Variants in ITSN1 observed in about 807,000 individuals in gnomAD.
ITSN1 encodes the protein intersectin-1.
Under a neutral mutation model 239.8 loss-of-function variants are expected in ITSN1, and 58 were observed. That is an observed-to-expected ratio of 0.24 (90% CI 0.20 to 0.30). The LOEUF is 0.30. Ranked by LOEUF, ITSN1 falls within the 10% of genes least tolerant of loss-of-function variation. ITSN1 has a pLI of 1.00. For missense variants in ITSN1, 1,558 were observed against 2,103.3 expected, an observed-to-expected ratio of 0.74 and a Z score of 5.07; for synonymous variants, 780 against 770.8, an observed-to-expected ratio of 1.01 and a Z score of -0.20.
At chr21:33,833,346 CATT>C (rs2074404241) in intron 27 of ITSN1, among the ~76,000 whole-genome samples, 2 of 152,108 alleles carry the variant, frequency 1.3e-5, no homozygotes, top group African/African-American at 4.8e-5. Flanking sequence ...GTGAAAGTAA[CATT>C]GAGTCTCCTT....
chr21:33,668,407 C>A (rs181449797), intron 1 of ITSN1, among the ~76,000 whole-genome samples: 1 of 152,340 alleles, frequency 6.6e-6, no homozygotes, highest in Admixed American at 6.5e-5. Context: ...TAAGCCAGTG[C>A]CTCCAGCTAC....
At position 33,875,418 on chromosome 21, in the gene ITSN1, C is replaced by T. The variant is rs749530031; in HGVS notation, c.4238C>T (p.Ala1413Val). Reference sequence around the variant, plus strand: ...CACTTGAAGCACGCCCTGGAGAAGGCGGAAGAGCTCTGTTCCCAGGTGAAC... The same window carrying T: ...CACTTGAAGCACGCCCTGGAGAAGGTGGAAGAGCTCTGTTCCCAGGTGAAC... ...HSHLKHALEK[A>V]EELCSQVNEG... is the part of the protein sequence containing the mutation. Residue 1413 changes from alanine (A) to valine (V), a missense_variant, in exon 34 of 40, where the codon GCG (alanine) becomes GTG (valine). Physicochemically the swap from Ala to Val is moderately conservative, Grantham distance 64. Transcript: ENST00000381318. 4.3e-6 allele frequency: 7 copies of T among 1,613,962 alleles called. No individual in the cohort carries two copies. Among genetic ancestry groups the T allele is most frequent in the African/African-American group, 1.3e-5 (1 of 74,892 alleles).
At chr21:33,863,112 T>TGCG (rs1175818429) in intron 31 of ITSN1, among the ~76,000 whole-genome samples, 4 of 152,232 alleles carry the variant, frequency 2.6e-5, no homozygotes, top group African/African-American at 9.6e-5. Context: ...GGTAACACCT[T>TGCG]GCGGTCTTCA....
At chr21:33,762,617 T>C (rs1464161045) in intron 9 of ITSN1, among the ~76,000 whole-genome samples, 1 of 152,116 alleles carries the variant, frequency 6.6e-6, no homozygotes, top group Non-Finnish European at 1.5e-5. Flanking sequence ...CTACTGCAAA[T>C]ATTTTAGCTT....
intron 1 of ITSN1, among the ~76,000 whole-genome samples, chr21:33,653,688 A>G (rs950299819): frequency 6.6e-5 from 10 of 151,694 alleles, no homozygotes; most frequent in Non-Finnish European, 1.5e-4. Context: ...ACGCCCAGCT[A>G]ATTTTTTGTA....
At chr21:33,796,612 T>C (rs1227013834) in intron 17 of ITSN1, among the ~76,000 whole-genome samples, 2 of 152,224 alleles carry the variant, frequency 1.3e-5, no homozygotes, top group Non-Finnish European at 2.9e-5. Context: ...CATGCATGTA[T>C]GGCTGTGTGA....
rs1256969638 is a variant in ITSN1, at chr21:33,857,769, C to A, written c.3783+912C>A. Among the ~76,000 whole-genome samples, 4 of 152,170 alleles carry A rather than the reference C, an allele frequency of 2.6e-5. No individual in the cohort carries two copies. The East Asian group carries it at 7.7e-4, about 29-fold the overall frequency. On this transcript the variant is annotated intron_variant, in intron 30 of 39. Transcript: ENST00000381318. ...TTATTAAATATGCAGTTCAGGATGT[C>A]CAGGGTGCAAGTGTCACTCCTTAGA... is the stretch of plus-strand genomic sequence containing the variant.
chr21:33,836,238 G>T (rs1386018052), intron 28 of ITSN1, among the ~76,000 whole-genome samples: 1 of 152,176 alleles, frequency 6.6e-6, no homozygotes, highest in Non-Finnish European at 1.5e-5. Context: ...AAGACTTAGT[G>T]TGAAAATTTT....
intron 1 of ITSN1, among the ~76,000 whole-genome samples, chr21:33,654,200 G>A (rs181206776): frequency 2.0e-5 from 3 of 149,242 alleles, no homozygotes; most frequent in African/African-American, 4.9e-5. Flanking sequence ...CCACAGCCAC[G>A]CACCACCACA....
intron 5 of ITSN1, among the ~76,000 whole-genome samples, chr21:33,749,645 A>C (rs2067417305): frequency 6.6e-6 from 1 of 152,012 alleles, no homozygotes; most frequent in East Asian, 1.9e-4. Context: ...CCATCTCAAA[A>C]AAAAAAAGAA....
intron 34 of ITSN1, among the ~76,000 whole-genome samples, chr21:33,879,543 A>G (rs1234863630): frequency 1.3e-5 from 2 of 152,238 alleles, no homozygotes; most frequent in Non-Finnish European, 2.9e-5. Context: ...GGACTCAAGC[A>G]GCCCCTGCAC....
chr21:33,829,514 C>A, intron 26 of ITSN1, 110 bp from the exon 27 acceptor site: 4 of 1,136,812 alleles, frequency 3.5e-6, no homozygotes, highest in South Asian at 1.4e-5. Context: ...CAGCTCAATA[C>A]ATTGGTTTTG....
Position 33,781,538 on chromosome 21 carries a change from C to A in ITSN1, c.1674C>A (p.Asn558Lys). ...ACCAATTAAAACAAGTTCAGCAGAA[C>A]AGTTTGCACAGTAGGTGTTTTATTT... Reference protein sequence around the residue: ...LNDQLKQVQQNSLHRDSLVTL... With the variant: ...LNDQLKQVQQKSLHRDSLVTL... The change falls in exon 15 of 40, where the codon AAC (asparagine) becomes AAA (lysine). Residue 558 changes from asparagine to lysine, a missense_variant. Asn to Lys is a moderately conservative substitution (Grantham distance 94, BLOSUM62 0). Around this residue, in one of 2 missense-constraint regions of ITSN1, gnomAD observed 982 missense variants for 1,209.9 expected, o/e 0.81. Transcript: ENST00000381318. 1 of 1,524,834 alleles carries A rather than the reference C, an allele frequency of 6.6e-7. No homozygotes were observed. The highest frequency in any genetic ancestry group is 8.9e-7 in the Non-Finnish European group (1 of 1,122,156). The allele number at this position is 1,524,834 out of a possible 1,614,324, so 94.5% of individuals were successfully genotyped here.
At chr21:33,818,518 G>A in intron 23 of ITSN1, 46 bp downstream of exon 23, 2 of 1,473,442 alleles carry the variant, frequency 1.4e-6, no homozygotes, top group Non-Finnish European at 1.9e-6. Flanking sequence ...ACAATATTAG[G>A]CGTTATATTA....
intron 16 of ITSN1, among the ~76,000 whole-genome samples, chr21:33,788,934 A>G (rs2070885908): frequency 6.6e-6 from 1 of 152,176 alleles, no homozygotes; most frequent in Non-Finnish European, 1.5e-5. Flanking sequence ...CCTGGACAAC[A>G]CATGTCTCTA....
intron 1 of ITSN1, among the ~76,000 whole-genome samples, chr21:33,695,809 T>C (rs1350518089): frequency 6.6e-6 from 1 of 152,214 alleles, no homozygotes; most frequent in East Asian, 1.9e-4. Flanking sequence ...CAGATCCATG[T>C]AAAGAAAAGG....
chr21:33,809,596 G>T (rs1237315200), intron 20 of ITSN1, among the ~76,000 whole-genome samples: 1 of 152,020 alleles, frequency 6.6e-6, no homozygotes, highest in Non-Finnish European at 1.5e-5. Context: ...TACTTGAATG[G>T]ATTAGATAAC....
intron 1 of ITSN1, among the ~76,000 whole-genome samples, chr21:33,665,918 T>C (rs1288486150): frequency 6.6e-6 from 1 of 151,512 alleles, no homozygotes; most frequent in Admixed American, 6.6e-5. Context: ...GAAGGCAATA[T>C]ACTGTATGGT....
chr21:33,796,961 C>T (rs1376774103), intron 17 of ITSN1, among the ~76,000 whole-genome samples: 1 of 152,110 alleles, frequency 6.6e-6, no homozygotes, highest in African/African-American at 2.4e-5. Flanking sequence ...CAATCCCTTG[C>T]TTTCAACTTC....
Sources: gnomAD v4.1 joint callset for allele counts (sites outside exome capture counted in the v4.1 genomes callset) on GRCh38, gnomAD v4.1.1 for gene constraint, gnomAD v4.1.1 regional missense constraint, MANE v1.5 for transcripts, NCBI Gene and HGNC (gene_info 2026-07-23, HGNC 2026-07-21) for gene names.